CHRNA10: variants seen among roughly 807,000 people sequenced by gnomAD.
CHRNA10 encodes neuronal acetylcholine receptor subunit alpha-10.
CHRNA10 carries 31 observed loss-of-function variants against 36.0 expected under a neutral mutation model. The observed-to-expected ratio is 0.86, with a 90% CI of 0.65 to 1.16. The LOEUF (loss-of-function observed/expected upper bound fraction) is 1.16, where lower values mean the gene tolerates loss of function less well. Ranked by LOEUF, CHRNA10 falls within the 50% of genes most tolerant of loss-of-function variation. The pLI is 0.00. For missense variants in CHRNA10, 648 were observed against 640.9 expected (o/e 1.01, Z -0.12); for synonymous variants, 302 against 287.0 (o/e 1.05, Z -0.53).
rs192501536 is a variant in CHRNA10 at position 3,666,448 on chromosome 11, C to T, written c.1012G>A (p.Ala338Thr). The change falls in exon 5 of 5, where the codon GCC (alanine) becomes ACC (threonine). Residue 338 changes from alanine to threonine, a missense_variant. Transcript: ENST00000250699. ...CGTGCCAGGTGTCCCAGCAGGAGGG[C>T]CCTAGCCCAGGCTGGCACTGGGCGG... ...SVRPVPAWAR[A>T]LLLGHLARGL... 4.0e-4 allele frequency: 648 copies of T among 1,613,796 alleles called. 3 individuals are homozygous for T. The East Asian group carries it at 0.013, about 31-fold the overall frequency.
chr11:3,668,565 T>G (rs1231832553), intron 3 of CHRNA10: 2 of 152,154 alleles, frequency 1.3e-5, no homozygotes, highest in Admixed American at 1.3e-4. Flanking sequence ...TGATTCTTGT[T>G]TTCAGAACAA....
rs752055997 is a variant in CHRNA10, at chr11:3,666,405, T to G, written c.1055A>C (p.Glu352Ala). 6.2e-7 allele frequency: 1 copy of G among 1,613,878 alleles called. No individual in the cohort carries two copies. Among genetic ancestry groups the G allele is most frequent in the South Asian group, 1.1e-5 (1 of 91,072 alleles). The stretch of plus-strand genomic sequence containing the variant: ...GGACTGCCCACAGGGCTCCCCTCTT[T>G]CCCGCACGCACAGGCCCCGTGCCAG... ...GHLARGLCVR[E>A]RGEPCGQSRP... The change falls in exon 5 of 5, where the codon GAA becomes GCA. Residue 352 changes from glutamate (E) to alanine (A), a missense_variant. By Grantham distance (107) the Glu-to-Ala change is moderately radical (BLOSUM62 -1). Coordinates refer to ENST00000250699, the MANE Select transcript of CHRNA10 (RefSeq NM_020402.4).
chr11:3,667,908 C>T (rs1589930813), intron 3 of CHRNA10, 144 bp from the exon 4 acceptor site: 3 of 720,904 alleles, frequency 4.2e-6, no homozygotes, highest in African/African-American at 1.9e-5. Flanking sequence ...GTTCGAGACA[C>T]TCACGACGCA....
chr11:3,667,566 G>A lies in CHRNA10; in HGVS notation c.561C>T (p.Arg187=), dbSNP rs778006719. 2.6e-6 allele frequency: 4 copies of A among 1,560,398 alleles called. No homozygotes were observed. The highest frequency in any genetic ancestry group is 3.7e-5 in the Admixed American group (2 of 54,622). ...HGGHQLDVRP[R]GAAASLADFV... is the part of the protein sequence containing the mutation. ...AGTCCGCCAGGCTGGCTGCAGCGCC[G>A]CGCGGCCGCACATCCAGTTGGTGCC... Residue 187 remains arginine (R), a synonymous_variant, in exon 4 of 5, where the codon CGC becomes CGT. Transcript: ENST00000250699.
At chr11:3,670,074 T>C in intron 1 of CHRNA10, 133 bp from the exon 2 acceptor site, 1 of 995,708 alleles carries the variant, frequency 1.0e-6, no homozygotes, top group Non-Finnish European at 1.5e-6. Flanking sequence ...TTGCTCTAGC[T>C]GTGGCTCTAG....
rs776973836 is a variant in CHRNA10, at chr11:3,667,308, GGTGACGCCCAGCGACACCTT to G, written c.799_818del (p.Lys267ArgfsTer64). The G allele has an allele frequency of 1.4e-4, 222 of 1,599,190 alleles. 1 individual carries two copies. Among genetic ancestry groups the G allele is most frequent in the Middle Eastern group, 5.0e-4 (3 of 5,992 alleles). On this transcript the variant is annotated frameshift_variant, in exon 4 of 5. Coordinates refer to ENST00000250699, the MANE Select transcript of CHRNA10 (RefSeq NM_020402.4). LOFTEE classifies it high-confidence loss of function. The stretch of plus-strand genomic sequence containing the variant: ...GGAAGACGGTGAGCGCCAGCAGCAC[GGTGACGCCCAGCGACACCTT>G]CTCGCCTGAGTCGGCAGGCAGGTGG...
intron 1 of CHRNA10, among the ~76,000 whole-genome samples, chr11:3,670,892 G>T (rs2077708483): frequency 6.6e-6 from 1 of 152,080 alleles, no homozygotes; most frequent in African/African-American, 2.4e-5. Flanking sequence ...CATGCCCCAG[G>T]ACCACGCTTT....
intron 3 of CHRNA10, chr11:3,668,606 A>G (rs2077688642): frequency 6.6e-6 from 1 of 152,180 alleles, no homozygotes. Flanking sequence ...GCACCTAGAG[A>G]GACCCGCTGC....
chr11:3,670,945 T>G, intron 1 of CHRNA10: 1 of 453,966 alleles, frequency 2.2e-6, no homozygotes, highest in Non-Finnish European at 4.0e-6. Context: ...GCTGAAACCT[T>G]TCAGTGCTCC....
rs2077668257 is a variant in CHRNA10 at position 3,667,118 on chromosome 11, GC to G, written c.895+113del. The G allele has an allele frequency of 2.6e-5, 36 of 1,406,682 alleles. 1 individual carries two copies. In the South Asian group the frequency reaches 3.9e-4, roughly 15 times the overall value. 87.1% of individuals were successfully genotyped at this position (1,406,682 alleles called of 1,614,324 possible). On this transcript the variant is annotated intron_variant, in intron 4 of 4. Coordinates refer to ENST00000250699, the MANE Select transcript of CHRNA10 (RefSeq NM_020402.4). ...TAAAATGAGGGCACGTTCCCAGGAC[GC>G]CCCCCTCTCACTTTCTGCAGTGGGG...
intron 1 of CHRNA10, among the ~76,000 whole-genome samples, chr11:3,670,596 C>T (rs1218411906): frequency 6.6e-6 from 1 of 152,200 alleles, no homozygotes; most frequent in Non-Finnish European, 1.5e-5. Context: ...CTCGCTTCCT[C>T]CCTCCATGCT....
intron 1 of CHRNA10, 26 bp downstream of exon 1, chr11:3,671,226 C>T (rs1199102446): frequency 6.2e-7 from 1 of 1,612,240 alleles, no homozygotes; most frequent in South Asian, 1.1e-5. Context: ...CAGGAGAGGC[C>T]AGGGCTGGTG....
Position 3,671,338 on chromosome 11 carries a change from C to A in CHRNA10, c.-26G>T, listed in dbSNP as rs778807770. ...GGCCCTGGCACTGCAAGAGCGGGGG[C>A]AGGTCTCTGGATGTGAGGCCTCCTG... On this transcript the variant is annotated 5_prime_UTR_variant, in exon 1 of 5. Coordinates refer to ENST00000250699, the MANE Select transcript of CHRNA10 (RefSeq NM_020402.4). 4.3e-6 allele frequency: 7 copies of A among 1,613,414 alleles called. No individual in the cohort carries two copies. The highest frequency in any genetic ancestry group is 5.9e-6 in the Non-Finnish European group (7 of 1,179,668).
In CHRNA10 at chr11:3,668,289, G is replaced by A. The variant is rs1206234113; in HGVS notation, c.363-525C>T. ...AGCACTTTGGGAGGCCGAGGTGGGCGGATCACGAGGTCAGGAGATCGAGAC... is the reference window on the plus strand; with the variant it reads ...AGCACTTTGGGAGGCCGAGGTGGGCAGATCACGAGGTCAGGAGATCGAGAC... On this transcript the variant is annotated intron_variant, in intron 3 of 4. Coordinates refer to ENST00000250699, the MANE Select transcript of CHRNA10 (RefSeq NM_020402.4). Among the ~76,000 whole-genome samples the A allele has an allele frequency of 3.3e-5, 5 of 152,226 alleles. No individual in the cohort carries two copies. The East Asian group carries it at 9.7e-4, about 29-fold the overall frequency.
intron 3 of CHRNA10, 91 bp from the exon 4 acceptor site, chr11:3,667,855 G>T: frequency 1.7e-6 from 2 of 1,161,608 alleles, no homozygotes; most frequent in South Asian, 1.7e-5. Context: ...CCCAGGGGCT[G>T]AAAGAAACCA....
chr11:3,668,046 C>G (rs2077683023), intron 3 of CHRNA10, among the ~76,000 whole-genome samples: 1 of 152,232 alleles, frequency 6.6e-6, no homozygotes, highest in Non-Finnish European at 1.5e-5. Flanking sequence ...AGATTTTACC[C>G]TCTTTCCACG....
rs750755223 is a variant in CHRNA10, at chr11:3,667,718, G to A, written c.409C>T (p.Arg137Cys). The A allele has an allele frequency of 6.4e-6, 10 of 1,572,824 alleles. No individual in the cohort carries two copies. The highest frequency in any genetic ancestry group is 2.3e-5 in the East Asian group (1 of 43,364). ...PGSASTNVVL[R>C]HDGAVRWDAP... is the part of the protein sequence containing the mutation. The stretch of plus-strand genomic sequence containing the variant: ...TCCCAGCGCACGGCGCCATCGTGGC[G>A]CAGGACCACGTTGGTGCTGGCGGAA... Residue 137 changes from arginine to cysteine, a missense_variant, in exon 4 of 5, where the codon CGC becomes TGC. Transcript: ENST00000250699.
Position 3,666,410 on chromosome 11 carries a change from C to T in CHRNA10, c.1050G>A (p.Val350=). The T allele has an allele frequency of 6.2e-7, 1 of 1,614,028 alleles. No homozygotes were observed. Among genetic ancestry groups the T allele is most frequent in the Non-Finnish European group, 8.5e-7 (1 of 1,180,006 alleles). The change falls in exon 5 of 5, where the codon GTG becomes GTA. Residue 350 remains valine (V), a synonymous_variant. Transcript: ENST00000250699. ...GCCCACAGGGCTCCCCTCTTTCCCG[C>T]ACGCACAGGCCCCGTGCCAGGTGTC... ...LLGHLARGLC[V]RERGEPCGQS... is the part of the protein sequence containing the mutation.
Position 3,667,614 on chromosome 11 carries a change from C to G in CHRNA10, c.513G>C (p.Thr171=). 2.6e-6 allele frequency: 4 copies of G among 1,556,744 alleles called. No homozygotes were observed. The highest frequency in any genetic ancestry group is 3.5e-6 in the Non-Finnish European group (4 of 1,155,846). The part of the protein sequence containing the change: ...FPFDAQHCGL[T]FGSWTHGGHQ... ...GCCCGCCGTGAGTCCAGGAGCCGAA[C>G]GTCAGGCCGCAGTGCTGGGCGTCGA... The change falls in exon 4 of 5, where the codon ACG becomes ACC. Residue 171 remains threonine (T), a synonymous_variant. Coordinates refer to ENST00000250699, the MANE Select transcript of CHRNA10 (RefSeq NM_020402.4).
Sources: gnomAD v4.1 joint callset for allele counts (sites outside exome capture counted in the v4.1 genomes callset) on GRCh38, gnomAD v4.1.1 for gene constraint, MANE v1.5 for transcripts, NCBI Gene and HGNC (gene_info 2026-07-23, HGNC 2026-07-21) for gene names.